The following SLC30A3 variants were observed in gnomAD, a reference collection of about 807,000 sequenced individuals.
The protein encoded by SLC30A3 is probable proton-coupled zinc antiporter SLC30A3.
In SLC30A3, 20 loss-of-function variants were observed where a neutral mutation model predicts 35.6. The observed-to-expected ratio is 0.56, with a 90% CI of 0.39 to 0.82. SLC30A3 has a LOEUF of 0.82. SLC30A3 is among the 40% of genes least tolerant of loss of function. The pLI is 0.00. For missense variants in SLC30A3, 401 were observed against 530.6 expected, an observed-to-expected ratio of 0.76 and a Z score of 2.40; for synonymous variants, 217 against 224.7, an observed-to-expected ratio of 0.97 and a Z score of 0.31.
At chr2:27,256,109 G>A (rs1226866929) in intron 7 of SLC30A3, 2 of 480,072 alleles carry the variant, frequency 4.2e-6, no homozygotes, top group Non-Finnish European at 7.6e-6. Flanking sequence ...AGGTACTAAT[G>A]ATCTTTTAAA....
intron 1 of SLC30A3, among the ~76,000 whole-genome samples, chr2:27,273,907 G>T (rs1395836262): frequency 6.6e-6 from 1 of 152,158 alleles, no homozygotes; most frequent in Non-Finnish European, 1.5e-5. Flanking sequence ...AAGAAATTTG[G>T]CATGAGACAA....
rs776761278 is a variant in SLC30A3 at position 27,258,123 on chromosome 2, C to A, written c.424+38G>T. The A allele has an allele frequency of 4.4e-6, 7 of 1,605,388 alleles. No individual in the cohort carries two copies. The highest frequency in any genetic ancestry group is 6.0e-6 in the Non-Finnish European group (7 of 1,173,450). On this transcript the variant is annotated intron_variant, in intron 3 of 7. Coordinates refer to ENST00000233535, the MANE Select transcript of SLC30A3 (RefSeq NM_003459.5). This position sits in a 1 kb window ranked among gnomAD's most constrained non-coding sequence, Gnocchi z 4.0. ...TGGGACCCTGACGGGTGCCCTCTGG[C>A]AAGATTGGAGAGTCACTGGGCCATG...
chr2:27,264,202 G>C, upstream of SLC30A3: 1 of 515,724 alleles, frequency 1.9e-6, no homozygotes. This position sits in a 1 kb window ranked among gnomAD's most constrained non-coding sequence, Gnocchi z 6.1. Context: ...GTGGAGGGTG[G>C]GAATGGTTAG....
intron 7 of SLC30A3, 62 bp downstream of exon 7, chr2:27,256,324 G>T: frequency 6.3e-7 from 1 of 1,584,154 alleles, no homozygotes; most frequent in Non-Finnish European, 8.7e-7. Flanking sequence ...CTCAAGCTAT[G>T]GTCCCATGTT....
In SLC30A3 at chr2:27,263,030, G is replaced by C. The variant is rs1677305719; in HGVS notation, c.-124C>G. 4.3e-6 allele frequency: 6 copies of C among 1,389,622 alleles called. No homozygotes were observed. The highest frequency in any genetic ancestry group is 5.6e-6 in the Non-Finnish European group (6 of 1,078,658). The allele number at this position is 1,389,622 out of a possible 1,614,324, so 86.1% of individuals were successfully genotyped here. A position where few individuals can be genotyped will look rare whatever the true frequency, so the allele number is the denominator to read the frequency against. On this transcript the variant is annotated 5_prime_UTR_variant, in exon 1 of 8. Coordinates refer to ENST00000233535, the MANE Select transcript of SLC30A3 (RefSeq NM_003459.5). Reference sequence around the variant, plus strand: ...GCAGGGCGGCGGGGCCACCAGAGTGGAGCGAACTGCAGCGACTGTGGCGCG... The same window carrying C: ...GCAGGGCGGCGGGGCCACCAGAGTGCAGCGAACTGCAGCGACTGTGGCGCG...
At chr2:27,263,873 T>C, upstream of SLC30A3, 1 of 441,218 alleles carries the variant, frequency 2.3e-6, no homozygotes, top group Non-Finnish European at 4.4e-6. Context: ...CCACTGTTTA[T>C]GGAGAGGGGC....
chr2:27,259,481 G>C (rs1184311884), intron 1 of SLC30A3, among the ~76,000 whole-genome samples: 1 of 147,788 alleles, frequency 6.8e-6, no homozygotes, highest in Non-Finnish European at 1.5e-5. Flanking sequence ...AACAGAGTGA[G>C]AGACTGTCTC....
Position 27,255,057 on chromosome 2 carries a change from A to T in SLC30A3, c.*255T>A. 1.4e-6 allele frequency: 2 copies of T among 1,431,524 alleles called. No individual in the cohort carries two copies. Among genetic ancestry groups the T allele is most frequent in the South Asian group, 1.4e-5 (1 of 73,324 alleles). The allele number at this position is 1,431,524 out of a possible 1,614,324, so 88.7% of individuals were successfully genotyped here. On this transcript the variant is annotated 3_prime_UTR_variant, in exon 8 of 8. Coordinates refer to ENST00000233535, the MANE Select transcript of SLC30A3 (RefSeq NM_003459.5). This position sits in a 1 kb window ranked among gnomAD's most constrained non-coding sequence, Gnocchi z 5.2. ...ACAGGCCTTCAACACACCCTGCCAC[A>T]CTGAGGCCTGGGAGTCCCCGCCCCT...
Position 27,258,452 on chromosome 2 carries a change from C to T in SLC30A3, c.278-145G>A, listed in dbSNP as rs571867631. The stretch of plus-strand genomic sequence containing the variant: ...ATGGGACTACAGGTATAATTAACTA[C>T]TGTTATGTTATTTTTTTCATTCATC... On this transcript the variant is annotated intron_variant, in intron 2 of 7. Coordinates refer to ENST00000233535, the MANE Select transcript of SLC30A3 (RefSeq NM_003459.5). This position sits in a 1 kb window ranked among gnomAD's most constrained non-coding sequence, Gnocchi z 4.0. The T allele has an allele frequency of 2.0e-5, 14 of 711,682 alleles. No homozygotes were observed. The African/African-American group carries it at 2.3e-4, about 12-fold the overall frequency. 44.1% of individuals were successfully genotyped at this position (711,682 alleles called of 1,614,324 possible).
At chr2:27,260,392 A>C (rs1677121433) in intron 1 of SLC30A3, among the ~76,000 whole-genome samples, 1 of 152,190 alleles carries the variant, frequency 6.6e-6, no homozygotes, top group Non-Finnish European at 1.5e-5. Flanking sequence ...GCATGGTACC[A>C]TAAGTCTCCC....
chr2:27,274,729 C>G (rs747659798), intron 1 of SLC30A3, among the ~76,000 whole-genome samples: 20 of 151,798 alleles, frequency 1.3e-4, no homozygotes, highest in Non-Finnish European at 2.5e-4. Flanking sequence ...AATTCCACTT[C>G]TAAGAATGTA....
chr2:27,257,537 G>C lies in SLC30A3; in HGVS notation c.579-185C>G, dbSNP rs1028327961. On this transcript the variant is annotated intron_variant, in intron 4 of 7. Coordinates refer to ENST00000233535, the MANE Select transcript of SLC30A3 (RefSeq NM_003459.5). The surrounding 1 kb of genome is among the most constrained non-coding windows in gnomAD (Gnocchi z 4.7). Reference sequence around the variant, plus strand: ...GACTTGGTGCCACACATGTGGATTCGGAAGCTGGCCCTGTTACTTAAATAG... The same window carrying C: ...GACTTGGTGCCACACATGTGGATTCCGAAGCTGGCCCTGTTACTTAAATAG... 1 of 642,340 alleles carries C rather than the reference G, an allele frequency of 1.6e-6. No homozygotes were observed. Among genetic ancestry groups the C allele is most frequent in the Non-Finnish European group, 2.7e-6 (1 of 366,558 alleles). 39.8% of individuals were successfully genotyped at this position (642,340 alleles called of 1,614,324 possible).
rs145366857 is a variant in SLC30A3, at chr2:27,258,306, G to A, written c.279C>T (p.Gly93=). 18 of 1,515,838 alleles carry A rather than the reference G, an allele frequency of 1.2e-5. 1 individual carries two copies. The highest frequency in any genetic ancestry group is 2.3e-5 in the East Asian group (1 of 43,850). 93.9% of individuals were successfully genotyped at this position (1,515,838 alleles called of 1,614,324 possible). A position where few individuals can be genotyped will look rare whatever the true frequency, so the allele number is the denominator to read the frequency against. The part of the protein sequence containing the change: ...CFVFMAGEVV[G]GYLAHSLAIM... ...TGGCCAGGCTGTGTGCCAGATACCCGCCTGCCAGGGTGAAATGATGGAGTC... is the reference window on the plus strand; with the variant it reads ...TGGCCAGGCTGTGTGCCAGATACCCACCTGCCAGGGTGAAATGATGGAGTC... The change falls in exon 3 of 8, where the codon GGC becomes GGT. Residue 93 remains glycine, a splice_region_variant and synonymous_variant. Transcript: ENST00000233535. The surrounding 1 kb of genome is among the most constrained non-coding windows in gnomAD (Gnocchi z 4.0).
chr2:27,255,557 G>T lies in SLC30A3; in HGVS notation c.1019-97C>A, dbSNP rs1363817906. The T allele has an allele frequency of 6.6e-6, 9 of 1,358,430 alleles. 1 individual carries two copies. Among genetic ancestry groups the T allele is most frequent in the Non-Finnish European group, 9.2e-6 (9 of 976,990 alleles). The allele number at this position is 1,358,430 out of a possible 1,614,324, so 84.1% of individuals were successfully genotyped here. A position where few individuals can be genotyped will look rare whatever the true frequency, so the allele number is the denominator to read the frequency against. On this transcript the variant is annotated intron_variant, in intron 7 of 7. Coordinates refer to ENST00000233535, the MANE Select transcript of SLC30A3 (RefSeq NM_003459.5). This position sits in a 1 kb window ranked among gnomAD's most constrained non-coding sequence, Gnocchi z 5.2. The stretch of plus-strand genomic sequence containing the variant: ...GGGAAAGGGGCTGCACAGCATTAAA[G>T]CCAGGCGTGAATGGAAGCCTGCTTT...
In SLC30A3 at chr2:27,257,973, G is replaced by A. The variant is rs1243670235; in HGVS notation, c.510C>T (p.His170=). The change falls in exon 4 of 8, where the codon CAC becomes CAT. Residue 170 remains histidine (H), a synonymous_variant. Transcript: ENST00000233535. The surrounding 1 kb of genome is among the most constrained non-coding windows in gnomAD (Gnocchi z 4.7). ...LLYLAFVRLL[H]SDYHIEGGAM... Reference sequence around the variant, plus strand: ...CACCCCCCTCGATGTGGTAGTCGCTGTGCAGCAGGCGGACGAAGGCCAGGT... The same window carrying A: ...CACCCCCCTCGATGTGGTAGTCGCTATGCAGCAGGCGGACGAAGGCCAGGT... 3 of 1,614,092 alleles carry A rather than the reference G, an allele frequency of 1.9e-6. No homozygotes were observed. Among genetic ancestry groups the A allele is most frequent in the Non-Finnish European group, 2.5e-6 (3 of 1,180,030 alleles).
At chr2:27,264,948 A>G (rs375645758), upstream of SLC30A3, among the ~76,000 whole-genome samples, 1 of 152,064 alleles carries the variant, frequency 6.6e-6, no homozygotes, top group Non-Finnish European at 1.5e-5. This position sits in a 1 kb window ranked among gnomAD's most constrained non-coding sequence, Gnocchi z 6.1. Context: ...GGCTCTCCCC[A>G]ATTCTGAGAA....
rs559294565 is a variant in SLC30A3 at position 27,258,841 on chromosome 2, C to G, written c.189G>C (p.Pro63=). The G allele has an allele frequency of 6.2e-7, 1 of 1,614,180 alleles. No homozygotes were observed. Among genetic ancestry groups the G allele is most frequent in the Non-Finnish European group, 8.5e-7 (1 of 1,180,006 alleles). The change falls in exon 2 of 8, where the codon CCG becomes CCC. Residue 63 remains proline (P), a synonymous_variant. Coordinates refer to ENST00000233535, the MANE Select transcript of SLC30A3 (RefSeq NM_003459.5). The surrounding 1 kb of genome is among the most constrained non-coding windows in gnomAD (Gnocchi z 4.0). The part of the protein sequence containing the change: ...HHCHRDPLPP[P]GLTPERLHAR... The stretch of plus-strand genomic sequence containing the variant: ...CATGCAGCCTCTCAGGGGTAAGGCC[C>G]GGCGGCGGAAGGGGGTCCCTGTGGC...
At chr2:27,275,314 G>A (rs1677964362) in exon 1 of SLC30A3, 2 of 874,114 alleles carry the variant, frequency 2.3e-6, no homozygotes, top group African/African-American at 1.7e-5. Flanking sequence ...ACGCTCCTAC[G>A]CTGCCTTGGG....
upstream of SLC30A3, chr2:27,263,296 C>A (rs573477929): frequency 3.8e-4 from 181 of 478,986 alleles, no homozygotes; most frequent in African/African-American, 3.4e-3. Flanking sequence ...CACAGTCCCG[C>A]CCACCGGTTC....
Sources: gnomAD v4.1 joint callset for allele counts (sites outside exome capture counted in the v4.1 genomes callset) on GRCh38, gnomAD v4.1.1 for gene constraint, Gnocchi (gnomAD v3.1) non-coding constraint, MANE v1.5 for transcripts, NCBI Gene and HGNC (gene_info 2026-07-23, HGNC 2026-07-21) for gene names.